Variants in JAK2 observed in about 807,000 individuals in gnomAD.
JAK2 encodes tyrosine-protein kinase JAK2.
Under a neutral mutation model 139.3 loss-of-function variants are expected in JAK2, and 86 were observed. The ratio of observed to expected loss-of-function variants is 0.62; its 90% confidence interval spans 0.52 to 0.74. The LOEUF (loss-of-function observed/expected upper bound fraction) is 0.74, where lower values mean the gene tolerates loss of function less well. Ranked by LOEUF, JAK2 falls within the 30% of genes least tolerant of loss-of-function variation. The pLI is 0.00. For missense variants in JAK2, 1,421 were observed against 1,360.3 expected (o/e 1.04, Z -0.70); for synonymous variants, 490 against 437.7 (o/e 1.12, Z -1.49).
chr9:5,126,275 G>C (rs1438701733), intron 23 of JAK2, 58 bp from the exon 24 acceptor site: 2 of 1,260,556 alleles, frequency 1.6e-6, no homozygotes, highest in African/African-American at 1.5e-5. Context: ...AGGAAATTGA[G>C]AAAGAATTTT....
chr9:5,020,388 TGA>T (rs1280505547), intron 2 of JAK2, among the ~76,000 whole-genome samples: 1 of 152,028 alleles, frequency 6.6e-6, no homozygotes. Context: ...CTGGGCAGGG[TGA>T]GAGTATCCTC....
In JAK2 at chr9:5,090,548, A is replaced by G. The variant is rs761849366; in HGVS notation, c.2864A>G (p.Gln955Arg). 5 of 1,589,650 alleles carry G rather than the reference A, an allele frequency of 3.1e-6. No homozygotes were observed. In the East Asian group the frequency reaches 9.0e-5, roughly 29 times the overall value. ...CGGATAGATCACATAAAACTTCTGCAGTACACATCTCAGATATGCAAGGTA... is the reference window on the plus strand; with the variant it reads ...CGGATAGATCACATAAAACTTCTGCGGTACACATCTCAGATATGCAAGGTA... ...KERIDHIKLL[Q>R]YTSQICKGME... The change falls in exon 21 of 25, where the codon CAG becomes CGG. Residue 955 changes from glutamine (Q) to arginine (R), a missense_variant. Gln to Arg is a conservative substitution (Grantham distance 43, BLOSUM62 1). Coordinates refer to ENST00000381652, the MANE Select transcript of JAK2 (RefSeq NM_004972.4).
At chr9:5,086,773 A>G (rs1352297798) in intron 19 of JAK2, among the ~76,000 whole-genome samples, 1 of 152,144 alleles carries the variant, frequency 6.6e-6, no homozygotes, top group Non-Finnish European at 1.5e-5. Context: ...TCTTTTTGAT[A>G]TCTTTGGTAT....
At position 5,127,076 on chromosome 9, in the gene JAK2, A is replaced by G. The variant is rs759077179; in HGVS notation, c.*285A>G. On this transcript the variant is annotated 3_prime_UTR_variant, in exon 25 of 25. Transcript: ENST00000381652. ...TTGTCTGGCAAAAGAAAAAAAATAG[A>G]CTTTTTCAACTCAGCTTTTTGAGAC... 4.5e-5 allele frequency: 12 copies of G among 265,624 alleles called. No individual in the cohort carries two copies. Among genetic ancestry groups the G allele is most frequent in the Admixed American group, 3.1e-4 (6 of 19,104 alleles). The allele number at this position is 265,624 out of a possible 1,614,324, so 16.5% of individuals were successfully genotyped here.
At chr9:5,112,202 C>T (rs1586819651) in intron 22 of JAK2, 1 of 272,478 alleles carries the variant, frequency 3.7e-6, no homozygotes. Context: ...TTCGCCGGCC[C>T]CATGCTGCTG....
rs775688165 is a variant in JAK2, at chr9:5,029,865, T to C, written c.309T>C (p.His103=). Residue 103 remains histidine, a synonymous_variant, in exon 4 of 25, where the codon CAT becomes CAC. Transcript: ENST00000381652. ...GGTATCCACCCAACCATGTCTTCCA[T>C]ATAGATGAGTCAACCAGGCATAATG... The part of the protein sequence containing the change: ...RIWYPPNHVF[H]IDESTRHNVL... 7 of 1,612,550 alleles carry C rather than the reference T, an allele frequency of 4.3e-6. No individual in the cohort carries two copies. Among genetic ancestry groups the C allele is most frequent in the Non-Finnish European group, 5.9e-6 (7 of 1,178,928 alleles).
chr9:5,118,986 G>C (rs1010661558), intron 22 of JAK2, among the ~76,000 whole-genome samples: 1 of 152,064 alleles, frequency 6.6e-6, no homozygotes, highest in African/African-American at 2.4e-5. Flanking sequence ...ACACTTTCAC[G>C]TGGATGTACC....
intron 2 of JAK2, among the ~76,000 whole-genome samples, chr9:5,020,835 T>C (rs1822372535): frequency 1.3e-5 from 2 of 152,028 alleles, no homozygotes; most frequent in African/African-American, 2.4e-5. Context: ...AGTGGGGCTC[T>C]AGGGGTGTGG....
At chr9:5,020,175 G>A (rs1394828793) in intron 2 of JAK2, among the ~76,000 whole-genome samples, 3 of 152,168 alleles carry the variant, frequency 2.0e-5, no homozygotes, top group African/African-American at 7.2e-5. Flanking sequence ...CGGCAGTGAC[G>A]GCGATTGGCT....
chr9:5,097,631 T>A (rs564886525), intron 22 of JAK2: 1 of 147,938 alleles, frequency 6.8e-6, no homozygotes, highest in African/African-American at 2.7e-5. Context: ...TTTAGCTGAT[T>A]AGCTACACTG....
rs1410689533 is a variant in JAK2, at chr9:5,069,976, C to T, written c.1565C>T (p.Thr522Ile). The change falls in exon 12 of 25, where the codon ACC becomes ATC. Residue 522 changes from threonine to isoleucine, a missense_variant. Physicochemically the swap from Thr to Ile is moderately conservative, Grantham distance 89. Transcript: ENST00000381652. ...ACGAATGGTGTTTCTGATGTACCAACCTCACCAACATTACAGAGGCCTACT... is the reference window on the plus strand; with the variant it reads ...ACGAATGGTGTTTCTGATGTACCAATCTCACCAACATTACAGAGGCCTACT... ...FRTNGVSDVP[T>I]SPTLQRPTHM... 1 of 1,607,876 alleles carries T rather than the reference C, an allele frequency of 6.2e-7. No homozygotes were observed. The highest frequency in any genetic ancestry group is 8.5e-7 in the Non-Finnish European group (1 of 1,175,440).
At chr9:5,111,490 T>C (rs1408466976) in intron 22 of JAK2, 1 of 371,436 alleles carries the variant, frequency 2.7e-6, no homozygotes, top group South Asian at 2.1e-5. Flanking sequence ...AGGAGTACGG[T>C]AGGGATGCCG....
chr9:5,088,886 C>G (rs1820334265), intron 19 of JAK2, among the ~76,000 whole-genome samples: 1 of 152,210 alleles, frequency 6.6e-6, no homozygotes, highest in African/African-American at 2.4e-5. Context: ...AAGGCCCTAT[C>G]TCCAAATACA....
chr9:5,020,237 T>C (rs1262825797), intron 2 of JAK2, among the ~76,000 whole-genome samples: 1 of 152,122 alleles, frequency 6.6e-6, no homozygotes, highest in Non-Finnish European at 1.5e-5. Context: ...GGGAACCAGC[T>C]GTGGTGGTAG....
At chr9:5,095,281 A>G (rs1820901318) in intron 22 of JAK2, among the ~76,000 whole-genome samples, 1 of 151,852 alleles carries the variant, frequency 6.6e-6, no homozygotes, top group African/African-American at 2.4e-5. Flanking sequence ...AGGAACCCTC[A>G]TCACAATGCT....
chr9:5,034,269 T>G (rs1823394595), intron 4 of JAK2, among the ~76,000 whole-genome samples: 1 of 152,084 alleles, frequency 6.6e-6, no homozygotes, highest in Non-Finnish European at 1.5e-5. Flanking sequence ...CAAAGAGACT[T>G]AGACTTCCAC....
At position 5,041,869 on chromosome 9, in the gene JAK2, G is replaced by A. The variant is rs763361746; in HGVS notation, c.351-2534G>A. The A allele has an allele frequency of 8.6e-5, 39 of 455,340 alleles. No homozygotes were observed. In the Middle Eastern group the frequency reaches 4.3e-3, roughly 50 times the overall value. 28.2% of individuals were successfully genotyped at this position (455,340 alleles called of 1,614,324 possible). A position where few individuals can be genotyped will look rare whatever the true frequency, so the allele number is the denominator to read the frequency against. ...CTGAACGCGGACGACCCCATGGCCGGCCACTCCAGCGCCCATCAGGGCGCC... is the reference window on the plus strand; with the variant it reads ...CTGAACGCGGACGACCCCATGGCCGACCACTCCAGCGCCCATCAGGGCGCC... On this transcript the variant is annotated intron_variant, in intron 4 of 24. Transcript: ENST00000381652.
intron 14 of JAK2, among the ~76,000 whole-genome samples, chr9:5,075,187 AGCATAAGTGC>A (rs1159731211): frequency 6.6e-6 from 1 of 152,144 alleles, no homozygotes; most frequent in Non-Finnish European, 1.5e-5. Context: ...CCATGTGCAC[AGCATAAGTGC>A]AAGGTGAAGC....
At chr9:5,111,853 CT>C (rs769039614) in intron 22 of JAK2, 73 of 395,362 alleles carry the variant, frequency 1.8e-4, no homozygotes, top group Non-Finnish European at 2.8e-4. Flanking sequence ...GGCCGACAAC[CT>C]CCTGGGCTCC....
Sources: gnomAD v4.1 joint callset for allele counts (sites outside exome capture counted in the v4.1 genomes callset) on GRCh38, gnomAD v4.1.1 for gene constraint, MANE v1.5 for transcripts, NCBI Gene and HGNC (gene_info 2026-07-23, HGNC 2026-07-21) for gene names.